The following HSH2D variants were observed in gnomAD, a reference collection of about 807,000 sequenced individuals.
HSH2D encodes the protein hematopoietic SH2 domain-containing protein.
HSH2D carries 16 observed loss-of-function variants against 21.5 expected under a neutral mutation model. The ratio of observed to expected loss-of-function variants is 0.74; its 90% CI spans 0.50 to 1.13. The LOEUF (loss-of-function observed/expected upper bound fraction) is 1.13. HSH2D is among the 50% of genes most tolerant of loss of function. The probability of loss-of-function intolerance (pLI) is 0.00; values close to 1 mark genes in which losing one functional copy is unlikely to be tolerated. For synonymous variants in HSH2D, 172 were observed against 184.7 expected (o/e 0.93, Z 0.56); for missense variants, 418 against 441.4 (o/e 0.95, Z 0.47).
chr19:16,157,217 C>T lies in HSH2D; in HGVS notation c.482C>T (p.Pro161Leu). The change falls in exon 6 of 6, where the codon CCA becomes CTA. Residue 161 changes from proline to leucine, a missense_variant. Coordinates refer to ENST00000613986, the MANE Select transcript of HSH2D (RefSeq NM_001382417.1). The surrounding 1 kb of genome is among the most constrained non-coding windows in gnomAD (Gnocchi z 4.4). ...CPVSAPEEAS[P>L]KPVLCHQSKE... Reference sequence around the variant, plus strand: ...CCCTACTCTCATTTTCAGGCCTCCCCAAAGCCAGTCCTGTGTCACCAATCA... The same window carrying T: ...CCCTACTCTCATTTTCAGGCCTCCCTAAAGCCAGTCCTGTGTCACCAATCA... The T allele has an allele frequency of 1.3e-6, 2 of 1,532,290 alleles. No individual in the cohort carries two copies. The highest frequency in any genetic ancestry group is 1.8e-6 in the Non-Finnish European group (2 of 1,141,024). 94.9% of individuals were successfully genotyped at this position (1,532,290 alleles called of 1,614,324 possible).
At chr19:16,139,895 G>C (rs995000703), upstream of HSH2D, 2 of 152,210 alleles carry the variant, frequency 1.3e-5, no homozygotes, top group Non-Finnish European at 2.9e-5. Flanking sequence ...GTCCGTTTGC[G>C]GGCCGAGGCC....
chr19:16,147,242 T>C (rs565845516), intron 1 of HSH2D, among the ~76,000 whole-genome samples: 3 of 151,900 alleles, frequency 2.0e-5, no homozygotes, highest in Non-Finnish European at 4.4e-5. Context: ...GCTAGCACTT[T>C]GGGAGGCTGA....
chr19:16,137,405 A>G lies in HSH2D; in HGVS notation c.-324+3170A>G, dbSNP rs538520189. On this transcript the variant is annotated intron_variant, in intron 1 of 7. Transcript: ENST00000616645. The stretch of plus-strand genomic sequence containing the variant: ...CACTTTGGGAGGCCGACGTGGGTGG[A>G]TCACTTGAGGTCAGGAGTTCGAGAC... Among the ~76,000 whole-genome samples the G allele has an allele frequency of 2.1e-3, 325 of 152,090 alleles. 1 individual carries two copies. The highest frequency in any genetic ancestry group is 6.7e-3 in the African/African-American group (277 of 41,514).
At position 16,157,563 on chromosome 19, in the gene HSH2D, C is replaced by T. The variant is rs1479885878; in HGVS notation, c.828C>T (p.Ser276=). ...TDPCVATSLK[S]PSQPQAPKDR... ...CCTGTGTGGCCACATCTCTCAAAAGCCCCTCACAGCCCCAGGCACCAAAAG... is the reference window on the plus strand; with the variant it reads ...CCTGTGTGGCCACATCTCTCAAAAGTCCCTCACAGCCCCAGGCACCAAAAG... The change falls in exon 6 of 6, where the codon AGC becomes AGT. Residue 276 remains serine, a synonymous_variant. Coordinates refer to ENST00000613986, the MANE Select transcript of HSH2D (RefSeq NM_001382417.1). The surrounding 1 kb of genome is among the most constrained non-coding windows in gnomAD (Gnocchi z 4.4). 6 of 1,613,904 alleles carry T rather than the reference C, an allele frequency of 3.7e-6. No individual in the cohort carries two copies. The South Asian group carries it at 5.5e-5, about 15-fold the overall frequency.
chr19:16,152,928 C>T, intron 3 of HSH2D, 115 bp from the exon 4 acceptor site: 2 of 1,254,874 alleles, frequency 1.6e-6, no homozygotes, highest in East Asian at 2.5e-5. Flanking sequence ...AAGAAGCCTG[C>T]ATGGGAACCT....
rs752838674 is a variant in HSH2D, at chr19:16,146,608, G to A, written c.-27-2116G>A. Among the ~76,000 whole-genome samples, 8 of 152,188 alleles carry A rather than the reference G, an allele frequency of 5.3e-5. No homozygotes were observed. In the East Asian group the frequency reaches 9.6e-4, roughly 18 times the overall value. On this transcript the variant is annotated intron_variant, in intron 1 of 5. Coordinates refer to ENST00000613986, the MANE Select transcript of HSH2D (RefSeq NM_001382417.1). ...TGGGAGGATTGCTTGAGCCTAGGAG[G>A]TTGAGGCTGCAGTGAGCATGAGCTG...
chr19:16,158,219 C>G lies in HSH2D; in HGVS notation c.*425C>G, dbSNP rs2091262489. ...AATCCGAGCCCTTTTCCCATATCAT[C>G]TGTTTGTTCTGTTGTCTAAAAGCAC... On this transcript the variant is annotated 3_prime_UTR_variant, in exon 6 of 6. Coordinates refer to ENST00000613986, the MANE Select transcript of HSH2D (RefSeq NM_001382417.1). 6.2e-6 allele frequency: 1 copy of G among 162,300 alleles called. No individual in the cohort carries two copies. The highest frequency in any genetic ancestry group is 6.1e-5 in the Admixed American group (1 of 16,332). The allele number at this position is 162,300 out of a possible 1,614,324, so 10.1% of individuals were successfully genotyped here. A position where few individuals can be genotyped will look rare whatever the true frequency, so the allele number is the denominator to read the frequency against.
At chr19:16,145,044 T>G (rs551487223) in intron 1 of HSH2D, among the ~76,000 whole-genome samples, 2 of 145,716 alleles carry the variant, frequency 1.4e-5, no homozygotes, top group South Asian at 2.2e-4. Context: ...GGGGTTTTTT[T>G]TTTTTTTTTT....
At chr19:16,144,686 C>CTTTTTTTTTTTTTTTT (rs35070155) in intron 1 of HSH2D, among the ~76,000 whole-genome samples, 2 of 85,918 alleles carry the variant, frequency 2.3e-5, no homozygotes, top group Non-Finnish European at 2.2e-5. Flanking sequence ...ATTCTAGGCT[C>CTTTTTTTTTTTTTTTT]TTTTTTTTTT....
intron 2 of HSH2D, among the ~76,000 whole-genome samples, chr19:16,150,871 A>G (rs285287): frequency 0.77 from 117,532 of 151,892 alleles, 45,724 homozygotes; most frequent in East Asian, 0.96. Flanking sequence ...AACAAAAAAC[A>G]ATTCATGAAA....
At chr19:16,148,658 A>G in intron 1 of HSH2D, 66 bp from the exon 2 acceptor site, 1 of 1,523,614 alleles carries the variant, frequency 6.6e-7, no homozygotes. Context: ...CACAAGCTTC[A>G]AGAATAGAGC....
intron 1 of HSH2D, among the ~76,000 whole-genome samples, chr19:16,135,636 G>A (rs2090958513): frequency 6.6e-6 from 1 of 152,148 alleles, no homozygotes; most frequent in Non-Finnish European, 1.5e-5. Context: ...GAAGGCCCCA[G>A]GGCCTTTGCA....
intron 2 of HSH2D, among the ~76,000 whole-genome samples, chr19:16,151,943 T>TG (rs2067258558): frequency 2.7e-5 from 3 of 109,564 alleles, no homozygotes; most frequent in Admixed American, 1.8e-4. Context: ...CTGTCTCTAC[T>TG]AAAAAAAAAA....
chr19:16,149,461 C>T (rs1300634845), intron 2 of HSH2D, among the ~76,000 whole-genome samples: 1 of 152,112 alleles, frequency 6.6e-6, no homozygotes, highest in Admixed American at 6.6e-5. Flanking sequence ...CCTCGGCCTC[C>T]CGAAGTGCTG....
At chr19:16,145,075 G>A (rs1599413147) in intron 1 of HSH2D, among the ~76,000 whole-genome samples, 1 of 125,400 alleles carries the variant, frequency 8.0e-6, no homozygotes, top group Non-Finnish European at 1.6e-5. Context: ...GTTTCGCTCT[G>A]TTGCTCAGGC....
rs1381227305 is a variant in HSH2D at position 16,157,380 on chromosome 19, G to C, written c.645G>C (p.Gln215His). The C allele has an allele frequency of 1.9e-6, 3 of 1,613,946 alleles. No homozygotes were observed. Among genetic ancestry groups the C allele is most frequent in the African/African-American group, 1.3e-5 (1 of 75,040 alleles). ...RSLKMLPERG[Q>H]RVRQQLKSHL... The stretch of plus-strand genomic sequence containing the variant: ...TCAAAATGCTCCCCGAGAGAGGCCA[G>C]AGGGTCCGGCAGCAGCTAAAAAGCC... Residue 215 changes from glutamine (Q) to histidine (H), a missense_variant, in exon 6 of 6, where the codon CAG (glutamine) becomes CAC (histidine). By Grantham distance (24) the Gln-to-His change is conservative. Coordinates refer to ENST00000613986, the MANE Select transcript of HSH2D (RefSeq NM_001382417.1). This position sits in a 1 kb window ranked among gnomAD's most constrained non-coding sequence, Gnocchi z 4.4.
chr19:16,157,049 C>T lies in HSH2D; in HGVS notation c.475-161C>T, dbSNP rs1480764922. On this transcript the variant is annotated intron_variant, in intron 5 of 5. Transcript: ENST00000613986. This position sits in a 1 kb window ranked among gnomAD's most constrained non-coding sequence, Gnocchi z 4.4. ...CTGGGGGAGACAGTGAAGCCATTTA[C>T]TGAGACGAGAAAGATGGGGCATGGG... Among the ~76,000 whole-genome samples the T allele has an allele frequency of 6.6e-6, 1 of 151,822 alleles. No individual in the cohort carries two copies. Among genetic ancestry groups the T allele is most frequent in the East Asian group, 1.9e-4 (1 of 5,182 alleles).
At chr19:16,154,679 T>C in intron 5 of HSH2D, 188 bp downstream of exon 5, 2 of 510,720 alleles carry the variant, frequency 3.9e-6, no homozygotes, top group South Asian at 2.1e-5. Context: ...GTCCTCTTTC[T>C]GCCTGTCACC....
intron 1 of HSH2D, among the ~76,000 whole-genome samples, chr19:16,148,230 C>T (rs539425372): frequency 6.6e-6 from 1 of 152,192 alleles, no homozygotes; most frequent in African/African-American, 2.4e-5. Flanking sequence ...CTCACTGCAA[C>T]CTCTGCCCCC....
Sources: gnomAD v4.1 joint callset for allele counts (sites outside exome capture counted in the v4.1 genomes callset) on GRCh38, gnomAD v4.1.1 for gene constraint, Gnocchi (gnomAD v3.1) non-coding constraint, MANE v1.5 for transcripts, NCBI Gene and HGNC (gene_info 2026-07-23, HGNC 2026-07-21) for gene names.